The following PTK2 variants were observed in gnomAD, a reference collection of about 807,000 sequenced individuals.
PTK2 encodes protein tyrosine kinase 2.
Under a neutral mutation model 150.1 loss-of-function variants are expected in PTK2, and 45 were observed. That is an observed-to-expected ratio of 0.30 (90% CI 0.24 to 0.38). PTK2 has a LOEUF of 0.38. PTK2 is among the 10% of genes least tolerant of loss of function. PTK2 has a pLI of 1.00. For missense variants in PTK2, 919 were observed against 1,307.3 expected (o/e 0.70, Z 4.58); for synonymous variants, 432 against 449.2 (o/e 0.96, Z 0.48).
intron 26 of PTK2, among the ~76,000 whole-genome samples, chr8:140,692,496 A>G (rs2100023762): frequency 6.6e-6 from 1 of 152,222 alleles, no homozygotes; most frequent in Non-Finnish European, 1.5e-5. Context: ...AGGCACCTGC[A>G]GTCCCAGCTA....
At position 140,801,099 on chromosome 8, in the gene PTK2, A is replaced by C. The variant is rs893238942; in HGVS notation, c.976-523T>G. ...TGATATTGTTTGGTAATATTTGCTT[A>C]ATCTCCAGAATCAACAAGAGTTCCT... On this transcript the variant is annotated intron_variant, in intron 11 of 31. Transcript: ENST00000522684. Among the ~76,000 whole-genome samples the C allele has an allele frequency of 3.9e-5, 6 of 152,352 alleles. No homozygotes were observed. The East Asian group carries it at 1.2e-3, about 29-fold the overall frequency.
chr8:140,694,514 T>C (rs972929327), intron 26 of PTK2, among the ~76,000 whole-genome samples: 2 of 152,130 alleles, frequency 1.3e-5, no homozygotes, highest in African/African-American at 2.4e-5. Context: ...GGCCCTTCCA[T>C]GCAGTCTGAG....
At chr8:140,937,617 G>T (rs559795215) in intron 1 of PTK2, among the ~76,000 whole-genome samples, 1 of 150,228 alleles carries the variant, frequency 6.7e-6, no homozygotes, top group Non-Finnish European at 1.5e-5. Flanking sequence ...AAACAAATCT[G>T]ATTTAATCTA....
At chr8:140,743,573 T>C (rs1052819813) in intron 19 of PTK2, among the ~76,000 whole-genome samples, 4 of 152,094 alleles carry the variant, frequency 2.6e-5, no homozygotes, top group African/African-American at 9.7e-5. Flanking sequence ...TTCTGAATGA[T>C]GGCAAAGTAC....
intron 1 of PTK2, among the ~76,000 whole-genome samples, chr8:140,942,619 AGT>A (rs2100176215): frequency 1.7e-5 from 1 of 57,664 alleles, no homozygotes. Flanking sequence ...AGCTCTAATG[AGT>A]GCGTGCGTGT....
chr8:140,782,253 T>TGG (rs1182335058), intron 14 of PTK2, among the ~76,000 whole-genome samples: 61 of 111,428 alleles, frequency 5.5e-4, no homozygotes, highest in Admixed American at 2.2e-3. Context: ...GTTTTTTTTT[T>TGG]TGGGGGGGGG....
chr8:140,969,449 C>G (rs1397004261), intron 1 of PTK2, among the ~76,000 whole-genome samples: 2 of 152,208 alleles, frequency 1.3e-5, no homozygotes, highest in Non-Finnish European at 2.9e-5. Flanking sequence ...CAGAACTTCT[C>G]TATCCAAGAT....
At chr8:140,983,658 TGAAGGAAGGAAGGAAGGAA>T (rs2100192249) in intron 1 of PTK2, among the ~76,000 whole-genome samples, 2 of 124,182 alleles carry the variant, frequency 1.6e-5, no homozygotes, top group South Asian at 4.7e-4. Flanking sequence ...GAGAGGGAAG[TGAAGGAAGGAAGGAAGGAA>T]GAAGGAAGGA....
intron 15 of PTK2, among the ~76,000 whole-genome samples, chr8:140,761,598 T>C (rs1284792434): frequency 6.6e-6 from 1 of 152,176 alleles, no homozygotes; most frequent in East Asian, 1.9e-4. Context: ...TATGCTTAAC[T>C]ATTAAGAACT....
chr8:140,808,733 GTTT>G (rs57600032), intron 10 of PTK2, among the ~76,000 whole-genome samples: 1 of 116,592 alleles, frequency 8.6e-6, no homozygotes. Flanking sequence ...TTTTGTTCTT[GTTT>G]TTTTTTTTTT....
At chr8:140,914,762 G>C (rs372725376) in intron 2 of PTK2, among the ~76,000 whole-genome samples, 1 of 152,084 alleles carries the variant, frequency 6.6e-6, no homozygotes, top group Admixed American at 6.6e-5. Flanking sequence ...CCAGCCAGGA[G>C]TGGTGGCTCA....
chr8:140,957,134 G>T (rs967150661), intron 1 of PTK2, among the ~76,000 whole-genome samples: 4 of 151,992 alleles, frequency 2.6e-5, no homozygotes, highest in Admixed American at 2.6e-4. Context: ...CATAGAATAT[G>T]GATATAAAGA....
chr8:140,827,774 G>A (rs2100112715), intron 8 of PTK2, among the ~76,000 whole-genome samples: 1 of 152,202 alleles, frequency 6.6e-6, no homozygotes, highest in African/African-American at 2.4e-5. Flanking sequence ...AACAAAGGGT[G>A]TAGAGTGGAG....
intron 10 of PTK2, among the ~76,000 whole-genome samples, chr8:140,817,583 G>A (rs1015133221): frequency 4.6e-5 from 7 of 151,978 alleles, no homozygotes; most frequent in Non-Finnish European, 8.8e-5. Flanking sequence ...TTTTCATCTC[G>A]GTACTTATTG....
At chr8:140,797,262 CCT>C (rs927978065) in intron 12 of PTK2, among the ~76,000 whole-genome samples, 4 of 152,196 alleles carry the variant, frequency 2.6e-5, no homozygotes, top group Non-Finnish European at 5.9e-5. Flanking sequence ...TGTGTACATT[CCT>C]CTTTTTTATA....
intron 3 of PTK2, among the ~76,000 whole-genome samples, chr8:140,886,474 T>G (rs1171742604): frequency 6.6e-6 from 1 of 152,036 alleles, no homozygotes; most frequent in East Asian, 1.9e-4. Context: ...AGGCAGAAGG[T>G]TGGATTAAAT....
rs754595064 is a variant in PTK2, at chr8:140,793,404, A to G, written c.1094-20T>C. On this transcript the variant is annotated intron_variant, in intron 12 of 31. Coordinates refer to ENST00000522684, the Ensembl canonical transcript of PTK2. ...CACCTTCTGCGGGGAAAAAGAAAAG[A>G]GATGCATAAGGCTCTTTTCACTCCT... 1.9e-6 allele frequency: 3 copies of G among 1,609,258 alleles called. No individual in the cohort carries two copies. The highest frequency in any genetic ancestry group is 2.5e-6 in the Non-Finnish European group (3 of 1,178,574).
chr8:140,699,289 G>C (rs1367698106), intron 26 of PTK2, among the ~76,000 whole-genome samples: 1 of 152,158 alleles, frequency 6.6e-6, no homozygotes, highest in Non-Finnish European at 1.5e-5. Context: ...TAATACGATT[G>C]AGGCAACTAC....
chr8:140,852,408 G>A (rs2100129874), intron 5 of PTK2, among the ~76,000 whole-genome samples: 1 of 152,134 alleles, frequency 6.6e-6, no homozygotes. Context: ...ATTTGCACCT[G>A]TGATAAAACT....
Sources: allele counts gnomAD v4.1 joint callset (sites outside exome capture counted in the v4.1 genomes callset), GRCh38; gene constraint gnomAD v4.1.1; transcripts MANE v1.5; gene names NCBI Gene and HGNC (gene_info 2026-07-23, HGNC 2026-07-21).